The following DLC1 variants were observed in gnomAD, a reference collection of about 807,000 sequenced individuals.
DLC1 encodes the protein rho GTPase-activating protein 7.
Under a neutral mutation model 140.3 loss-of-function variants are expected in DLC1, and 54 were observed. The observed-to-expected ratio is 0.38, with a 90% CI of 0.31 to 0.48. The LOEUF is 0.48. Among genes scored for constraint, DLC1 ranks in the 20% least tolerant of loss-of-function variants. The pLI, the probability that DLC1 is intolerant of heterozygous loss-of-function variation, is 0.96. For missense variants in DLC1, 2,536 were observed against 1,907.0 expected, an observed-to-expected ratio of 1.33 and a Z score of -6.14; for synonymous variants, 986 against 728.1, an observed-to-expected ratio of 1.35 and a Z score of -5.70.
intron 5 of DLC1, among the ~76,000 whole-genome samples, chr8:13,198,608 T>A (rs1827203175): frequency 6.6e-6 from 1 of 152,198 alleles, no homozygotes; most frequent in African/African-American, 2.4e-5. Flanking sequence ...GGTTTATCAT[T>A]CTTCAAAATG....
chr8:13,105,664 G>A (rs983834146), intron 7 of DLC1, among the ~76,000 whole-genome samples: 3 of 147,764 alleles, frequency 2.0e-5, no homozygotes, highest in Non-Finnish European at 4.5e-5. Flanking sequence ...TGCAACCTCC[G>A]CCTCCCCGTT....
At chr8:13,094,694 C>G in intron 12 of DLC1, 65 bp downstream of exon 12, 4 of 1,587,906 alleles carry the variant, frequency 2.5e-6, no homozygotes, top group Admixed American at 1.7e-5. Flanking sequence ...ATCAAGGAAG[C>G]TACAAGCTTC....
intron 4 of DLC1, among the ~76,000 whole-genome samples, chr8:13,391,807 G>T (rs1836774040): frequency 1.3e-5 from 2 of 151,410 alleles, no homozygotes; most frequent in African/African-American, 4.9e-5. Flanking sequence ...AGGGAGAAAA[G>T]AACTGCCCTG....
intron 1 of DLC1, chr8:13,558,822 A>C (rs1030301920): frequency 6.6e-6 from 1 of 152,158 alleles, no homozygotes; most frequent in Non-Finnish European, 1.5e-5. Context: ...TAACTGTATC[A>C]CTATATTTGA....
At chr8:13,592,379 TTTTA>T (rs1405072872) in intron 1 of DLC1, among the ~76,000 whole-genome samples, 2 of 152,056 alleles carry the variant, frequency 1.3e-5, no homozygotes, top group African/African-American at 2.4e-5. Flanking sequence ...TATATTTGTC[TTTTA>T]TTTGTTTTAT....
chr8:13,217,957 G>A (rs762473312), intron 5 of DLC1, among the ~76,000 whole-genome samples: 1 of 151,976 alleles, frequency 6.6e-6, no homozygotes, highest in Non-Finnish European at 1.5e-5. Context: ...CTCACTCTGG[G>A]AACCATTTTA....
intron 3 of DLC1, among the ~76,000 whole-genome samples, chr8:13,394,225 A>G (rs1047723683): frequency 6.6e-6 from 1 of 152,230 alleles, no homozygotes; most frequent in Non-Finnish European, 1.5e-5. Flanking sequence ...TGTCTATCTA[A>G]TAAACTGAGG....
At chr8:13,234,809 G>A (rs1315323970) in intron 5 of DLC1, among the ~76,000 whole-genome samples, 1 of 152,040 alleles carries the variant, frequency 6.6e-6, no homozygotes, top group Admixed American at 6.5e-5. Flanking sequence ...ATTATTTTTG[G>A]TATGGGATCT....
intron 4 of DLC1, among the ~76,000 whole-genome samples, chr8:13,365,803 T>G (rs11991040): frequency 0.013 from 1,925 of 152,202 alleles, 40 homozygotes; most frequent in African/African-American, 0.044. Flanking sequence ...CAACTGCTAA[T>G]GGAAATGTCA....
chr8:13,125,133 C>T (rs1821441057), intron 5 of DLC1, among the ~76,000 whole-genome samples: 1 of 152,218 alleles, frequency 6.6e-6, no homozygotes, highest in Non-Finnish European at 1.5e-5. Flanking sequence ...CTCACGACCA[C>T]ACCCGGGTAA....
chr8:13,324,262 G>A (rs1833243790), intron 4 of DLC1, among the ~76,000 whole-genome samples: 1 of 152,166 alleles, frequency 6.6e-6, no homozygotes, highest in Admixed American at 6.5e-5. Flanking sequence ...TAGTAGACAT[G>A]TCTCTAGTGT....
intron 4 of DLC1, among the ~76,000 whole-genome samples, chr8:13,365,848 C>T (rs750726353): frequency 6.6e-6 from 1 of 152,120 alleles, no homozygotes; most frequent in Non-Finnish European, 1.5e-5. Context: ...TAAATATATA[C>T]AAGGAGTTCC....
intron 2 of DLC1, among the ~76,000 whole-genome samples, chr8:13,467,193 C>A (rs1267251935): frequency 1.3e-5 from 2 of 152,150 alleles, no homozygotes; most frequent in African/African-American, 2.4e-5. Flanking sequence ...AAATCCTTTT[C>A]TTATTTCCAA....
chr8:13,437,470 A>C (rs953665358), intron 2 of DLC1, among the ~76,000 whole-genome samples: 1 of 152,176 alleles, frequency 6.6e-6, no homozygotes, highest in Admixed American at 6.5e-5. Context: ...TGCATGATGT[A>C]AGCCAAGTAA....
At chr8:13,286,177 C>A (rs59596708) in intron 5 of DLC1, among the ~76,000 whole-genome samples, 1 of 152,072 alleles carries the variant, frequency 6.6e-6, no homozygotes, top group Non-Finnish European at 1.5e-5. Flanking sequence ...TGTTCAAAAT[C>A]TGATATCAGG....
At chr8:13,137,800 A>G (rs1822684146) in intron 5 of DLC1, among the ~76,000 whole-genome samples, 1 of 151,640 alleles carries the variant, frequency 6.6e-6, no homozygotes, top group African/African-American at 2.4e-5. Context: ...GTTTCACCAC[A>G]TTGGCCAGAC....
At chr8:13,128,149 T>G (rs1013856726) in intron 5 of DLC1, among the ~76,000 whole-genome samples, 1 of 152,178 alleles carries the variant, frequency 6.6e-6, no homozygotes, top group South Asian at 2.1e-4. Context: ...AAGGATGTAA[T>G]AGTTCACTTT....
At chr8:13,452,735 C>A (rs1047690424) in intron 2 of DLC1, among the ~76,000 whole-genome samples, 1 of 152,026 alleles carries the variant, frequency 6.6e-6, no homozygotes, top group Non-Finnish European at 1.5e-5. Context: ...CCAAACCATG[C>A]TGATCTCACT....
At position 13,499,424 on chromosome 8, in the gene DLC1, C is replaced by T; in HGVS notation, c.648G>A (p.Val216=). 6.2e-7 allele frequency: 1 copy of T among 1,613,808 alleles called. No individual in the cohort carries two copies. The highest frequency in any genetic ancestry group is 8.5e-7 in the Non-Finnish European group (1 of 1,179,944). ...PKVNAVDTLN[V]KDIAPEKQLL... ...ATTGTTTCTCAGGTGCAATATCTTT[C>T]ACGTTCAAAGTATCCACTGCATTTA... Residue 216 remains valine (V), a synonymous_variant, in exon 2 of 18, where the codon GTG becomes GTA. Transcript: ENST00000276297.
Sources: allele counts gnomAD v4.1 joint callset (sites outside exome capture counted in the v4.1 genomes callset), GRCh38; gene constraint gnomAD v4.1.1; transcripts MANE v1.5; gene names NCBI Gene and HGNC (gene_info 2026-07-23, HGNC 2026-07-21).